The following SOX5 variants were observed in gnomAD, a reference collection of about 807,000 sequenced individuals.
SOX5 encodes the protein transcription factor SOX-5.
SOX5 carries 9 observed loss-of-function variants against 92.0 expected under a neutral mutation model. That is an observed-to-expected ratio of 0.10 (90% CI 0.06 to 0.17). The LOEUF (loss-of-function observed/expected upper bound fraction) is 0.17, where lower values mean the gene tolerates loss of function less well. SOX5 is among the 10% of genes least tolerant of loss of function. The probability of loss-of-function intolerance (pLI) is 1.00; values close to 1 mark genes in which losing one functional copy is unlikely to be tolerated. For missense variants in SOX5, 642 were observed against 944.5 expected, an observed-to-expected ratio of 0.68 and a Z score of 4.20; for synonymous variants, 344 against 336.3, an observed-to-expected ratio of 1.02 and a Z score of -0.25.
chr12:24,438,314 G>A lies in SOX5; in HGVS notation c.-250-69675C>T, dbSNP rs12303381. 3.4e-3 allele frequency among the ~76,000 whole-genome samples: 523 copies of A among 152,170 alleles called. 5 individuals are homozygous for A. Among genetic ancestry groups the A allele is most frequent in the African/African-American group, 0.011 (469 of 41,496 alleles). On this transcript the variant is annotated intron_variant, in intron 1 of 4. Transcript: ENST00000446891. ...GGTGCCAAGGGAGGGATAGCGTTAG[G>A]AGAAATACCTATTGTAGATGATGGG...
chr12:23,969,281 C>T (rs1947948516), intron 4 of SOX5, among the ~76,000 whole-genome samples: 1 of 152,118 alleles, frequency 6.6e-6, no homozygotes, highest in South Asian at 2.1e-4. Flanking sequence ...ATATAATTTT[C>T]TCTTAATTAG....
rs56961427 is a variant in SOX5 at position 23,637,070 on chromosome 12, A to C, written c.1017+3742T>G. On this transcript the variant is annotated intron_variant, in intron 8 of 14. Transcript: ENST00000451604. The stretch of plus-strand genomic sequence containing the variant: ...GACATCAGTTGTTACGGCACTTTAC[A>C]TGAGTTAAAATCATTATGTTTGCAC... Among the ~76,000 whole-genome samples, 270 of 152,352 alleles carry C rather than the reference A, an allele frequency of 1.8e-3. 7 individuals are homozygous for C. The East Asian group carries it at 0.049, about 28-fold the overall frequency.
chr12:24,371,825 T>C (rs1426299689), intron 1 of SOX5, among the ~76,000 whole-genome samples: 1 of 152,012 alleles, frequency 6.6e-6, no homozygotes, highest in African/African-American at 2.4e-5. Flanking sequence ...TCATCTCTAC[T>C]AAAAATATGA....
chr12:24,487,650 G>A (rs1946651236), intron 1 of SOX5, among the ~76,000 whole-genome samples: 1 of 152,068 alleles, frequency 6.6e-6, no homozygotes, highest in African/African-American at 2.4e-5. Flanking sequence ...CTATTCCAGA[G>A]CAACAAAAAT....
chr12:23,620,401 A>C (rs2138064448), intron 8 of SOX5, among the ~76,000 whole-genome samples: 1 of 152,246 alleles, frequency 6.6e-6, no homozygotes, highest in South Asian at 2.1e-4. Flanking sequence ...CTTTTAATTG[A>C]AGTAATATCT....
At chr12:23,693,187 G>T (rs569225145) in intron 6 of SOX5, among the ~76,000 whole-genome samples, 2 of 152,074 alleles carry the variant, frequency 1.3e-5, no homozygotes, top group South Asian at 4.1e-4. Flanking sequence ...CAAGTGGCAC[G>T]ATCTCGGCTC....
chr12:24,304,869 C>T (rs975035798), intron 2 of SOX5, among the ~76,000 whole-genome samples: 6 of 152,148 alleles, frequency 3.9e-5, no homozygotes, highest in African/African-American at 1.2e-4. Flanking sequence ...GCGTGGTCAT[C>T]GTCACTGCTG....
intron 3 of SOX5, among the ~76,000 whole-genome samples, chr12:23,791,277 T>C (rs1232890079): frequency 1.3e-5 from 2 of 152,194 alleles, no homozygotes; most frequent in African/African-American, 4.8e-5. Flanking sequence ...ACTATGCAAG[T>C]GTGCTTGAAT....
intron 9 of SOX5, among the ~76,000 whole-genome samples, chr12:23,602,355 G>T (rs2074614826): frequency 6.6e-6 from 1 of 152,124 alleles, no homozygotes; most frequent in South Asian, 2.1e-4. Flanking sequence ...AGTTACTTTA[G>T]CATTTTCCAT....
chr12:24,150,719 T>C (rs1038705339), intron 4 of SOX5, among the ~76,000 whole-genome samples: 1 of 152,038 alleles, frequency 6.6e-6, no homozygotes, highest in African/African-American at 2.4e-5. Context: ...GTAAAAATTG[T>C]GAAAAGGAGG....
intron 4 of SOX5, among the ~76,000 whole-genome samples, chr12:23,979,944 G>C (rs1359288128): frequency 6.9e-6 from 1 of 145,300 alleles, no homozygotes; most frequent in African/African-American, 2.6e-5. Context: ...CAGATAGATA[G>C]ATAGATAGAC....
chr12:23,668,394 A>G (rs1355426856), intron 6 of SOX5, among the ~76,000 whole-genome samples: 1 of 152,174 alleles, frequency 6.6e-6, no homozygotes, highest in Non-Finnish European at 1.5e-5. Flanking sequence ...ACACATATAA[A>G]CAATGAGCAG....
intron 3 of SOX5, among the ~76,000 whole-genome samples, chr12:24,246,217 AT>A (rs1175904746): frequency 6.6e-6 from 1 of 151,586 alleles, no homozygotes; most frequent in Non-Finnish European, 1.5e-5. Context: ...TATTTTACAA[AT>A]TGCTTGCTTC....
rs1425386065 is a variant in SOX5, at chr12:24,126,850, C to G, written c.-2+86493G>C. Among the ~76,000 whole-genome samples, 5 of 152,206 alleles carry G rather than the reference C, an allele frequency of 3.3e-5. No homozygotes were observed. The East Asian group carries it at 9.7e-4, about 29-fold the overall frequency. Reference sequence around the variant, plus strand: ...AACATGATGGGGGTCATCTCACATCCACCTTCACACAAATGTCTCCCTATA... The same window carrying G: ...AACATGATGGGGGTCATCTCACATCGACCTTCACACAAATGTCTCCCTATA... On this transcript the variant is annotated intron_variant, in intron 4 of 4. Coordinates refer to the SOX5 transcript ENST00000446891.
intron 3 of SOX5, among the ~76,000 whole-genome samples, chr12:24,272,699 C>A (rs981789034): frequency 1.3e-5 from 2 of 151,704 alleles, no homozygotes; most frequent in Non-Finnish European, 2.9e-5. Context: ...TGGAATAAAC[C>A]AACTTGGTCA....
intron 4 of SOX5, among the ~76,000 whole-genome samples, chr12:23,959,122 A>T (rs1033745393): frequency 6.6e-6 from 1 of 151,948 alleles, no homozygotes; most frequent in African/African-American, 2.4e-5. Context: ...AAATGTAATG[A>T]GTTCAAAATT....
intron 1 of SOX5, among the ~76,000 whole-genome samples, chr12:24,414,741 A>G (rs1964715685): frequency 6.6e-6 from 1 of 152,230 alleles, no homozygotes; most frequent in Non-Finnish European, 1.5e-5. Flanking sequence ...CTCTTTAACC[A>G]GACAGAACTA....
intron 3 of SOX5, among the ~76,000 whole-genome samples, chr12:24,257,461 T>C (rs1002215184): frequency 1.0e-5 from 1 of 98,210 alleles, no homozygotes; most frequent in African/African-American, 2.8e-5. Flanking sequence ...AGGGGTCTTT[T>C]TGTTTGTTTT....
At chr12:24,504,535 ATT>A (rs1948534240) in intron 1 of SOX5, among the ~76,000 whole-genome samples, 1 of 152,160 alleles carries the variant, frequency 6.6e-6, no homozygotes, top group Admixed American at 6.5e-5. Context: ...GCATGCCACC[ATT>A]TCTTTCATGA....
Sources: allele counts gnomAD v4.1 joint callset (sites outside exome capture counted in the v4.1 genomes callset), GRCh38; gene constraint gnomAD v4.1.1; transcripts MANE v1.5; gene names NCBI Gene and HGNC (gene_info 2026-07-23, HGNC 2026-07-21).